SAMD12: variants seen among roughly 807,000 people sequenced by gnomAD.
SAMD12 encodes the protein sterile alpha motif domain-containing protein 12.
Under a neutral mutation model 15.0 loss-of-function variants are expected in SAMD12, and 9 were observed. The ratio of observed to expected loss-of-function variants is 0.60; its 90% CI spans 0.36 to 1.05. The LOEUF is 1.05. Among genes scored for constraint, SAMD12 ranks in the 50% least tolerant of loss-of-function variants. The probability of loss-of-function intolerance (pLI) is 0.01; values close to 1 mark genes in which losing one functional copy is unlikely to be tolerated. For missense variants in SAMD12, 230 were observed against 234.2 expected (o/e 0.98, Z 0.12); for synonymous variants, 86 against 90.1 (o/e 0.96, Z 0.25).
At chr8:118,190,029 C>T (rs1272738977) in exon 5 of SAMD12, 3 of 149,674 alleles carry the variant, frequency 2.0e-5, no homozygotes, top group Non-Finnish European at 4.4e-5. Context: ...TAATTAAACA[C>T]TCTTGGAAGA....
chr8:118,548,100 A>G (rs1362988288), intron 2 of SAMD12, among the ~76,000 whole-genome samples: 1 of 152,198 alleles, frequency 6.6e-6, no homozygotes, highest in Admixed American at 6.5e-5. Context: ...TAGTGAGAGA[A>G]TAGACAAAGA....
At chr8:118,471,195 T>C (rs1316597565) in intron 2 of SAMD12, among the ~76,000 whole-genome samples, 2 of 152,114 alleles carry the variant, frequency 1.3e-5, no homozygotes, top group African/African-American at 2.4e-5. Flanking sequence ...TTTTTTTTCA[T>C]GTTTTAAAAA....
chr8:118,195,151 A>G (rs1039813466), exon 5 of SAMD12: 2 of 152,212 alleles, frequency 1.3e-5, no homozygotes, highest in Non-Finnish European at 2.9e-5. Flanking sequence ...TACTTATTGA[A>G]TTGTTCAGAA....
chr8:118,194,414 A>G (rs1380889070), exon 5 of SAMD12: 1 of 152,138 alleles, frequency 6.6e-6, no homozygotes, highest in African/African-American at 2.4e-5. Flanking sequence ...TACGTCTCAA[A>G]CTATTGAAGT....
chr8:118,154,193 A>C, the SAMD12 span, among the ~76,000 whole-genome samples: 5 of 151,964 alleles, frequency 3.3e-5, no homozygotes, highest in African/African-American at 1.2e-4. Context: ...AATAATGCCA[A>C]AATCTTTATC....
At chr8:118,484,296 A>G (rs186202146) in intron 2 of SAMD12, among the ~76,000 whole-genome samples, 45 of 152,340 alleles carry the variant, frequency 3.0e-4, no homozygotes, top group Admixed American at 2.5e-3. Flanking sequence ...TGTAGTTCAA[A>G]ATATCACTGT....
At chr8:118,310,541 T>C (rs909339964) in intron 4 of SAMD12, among the ~76,000 whole-genome samples, 4 of 152,214 alleles carry the variant, frequency 2.6e-5, no homozygotes, top group African/African-American at 7.2e-5. Context: ...CAGGACTACA[T>C]GGGTATCCAG....
intron 4 of SAMD12, among the ~76,000 whole-genome samples, chr8:118,300,166 G>C (rs1455331789): frequency 2.0e-5 from 3 of 151,996 alleles, no homozygotes; most frequent in African/African-American, 7.2e-5. Flanking sequence ...TTTGTGTTAG[G>C]AACATTCAAT....
chr8:118,543,578 C>A (rs1156926948), intron 2 of SAMD12, among the ~76,000 whole-genome samples: 1 of 150,936 alleles, frequency 6.6e-6, no homozygotes, highest in Non-Finnish European at 1.5e-5. Context: ...AACACAAATT[C>A]ATAAACTTTC....
At chr8:118,327,034 C>A (rs1586534344) in intron 4 of SAMD12, among the ~76,000 whole-genome samples, 1 of 152,096 alleles carries the variant, frequency 6.6e-6, no homozygotes, top group Non-Finnish European at 1.5e-5. Flanking sequence ...ATGAGTGATC[C>A]CCCACAGATG....
At chr8:118,336,423 T>C (rs1017574670) in intron 4 of SAMD12, among the ~76,000 whole-genome samples, 7 of 152,212 alleles carry the variant, frequency 4.6e-5, no homozygotes, top group African/African-American at 1.7e-4. Context: ...TCTTAATGAA[T>C]TGAGGAAGAA....
chr8:118,515,294 ATG>A (rs893169362), intron 2 of SAMD12, among the ~76,000 whole-genome samples: 2 of 147,174 alleles, frequency 1.4e-5, no homozygotes, highest in African/African-American at 5.1e-5. Context: ...CAGCCTCCCA[ATG>A]TTTAAAAGTT....
the SAMD12 span, among the ~76,000 whole-genome samples, chr8:118,172,028 T>A: frequency 6.6e-6 from 1 of 152,166 alleles, no homozygotes; most frequent in Non-Finnish European, 1.5e-5. Flanking sequence ...CACTGCATGT[T>A]CTCACTCATA....
At chr8:118,591,639 G>GA (rs1399050511) in intron 1 of SAMD12, among the ~76,000 whole-genome samples, 1 of 151,706 alleles carries the variant, frequency 6.6e-6, no homozygotes, top group East Asian at 1.9e-4. Flanking sequence ...AACCTACCTG[G>GA]AAAAAACAAA....
intron 2 of SAMD12, among the ~76,000 whole-genome samples, chr8:118,569,373 T>C (rs1057139109): frequency 1.3e-5 from 2 of 152,176 alleles, no homozygotes; most frequent in African/African-American, 2.4e-5. Flanking sequence ...CTCCAAGATA[T>C]CTCATTTGGA....
chr8:118,246,864 C>T (rs947869052), intron 4 of SAMD12, among the ~76,000 whole-genome samples: 13 of 152,052 alleles, frequency 8.5e-5, no homozygotes, highest in Admixed American at 5.9e-4. Flanking sequence ...GGTTCAAAGG[C>T]AGAAACTACG....
intron 2 of SAMD12, among the ~76,000 whole-genome samples, chr8:118,462,408 A>G (rs1005210010): frequency 6.6e-6 from 1 of 152,196 alleles, no homozygotes; most frequent in African/African-American, 2.4e-5. Context: ...TGTCAATTAT[A>G]TTTAAGGGAC....
chr8:118,153,889 G>A, the SAMD12 span, among the ~76,000 whole-genome samples: 78 of 151,792 alleles, frequency 5.1e-4, 1 homozygote, highest in Non-Finnish European at 9.3e-4. Context: ...TCTTCATCCC[G>A]TCATCCAATT....
intron 2 of SAMD12, among the ~76,000 whole-genome samples, chr8:118,543,417 T>C (rs1218145158): frequency 1.3e-5 from 2 of 152,158 alleles, no homozygotes; most frequent in African/African-American, 4.8e-5. Flanking sequence ...AAGCCTAAAG[T>C]GATCAAACAA....
Sources: allele counts gnomAD v4.1 joint callset (sites outside exome capture counted in the v4.1 genomes callset), GRCh38; gene constraint gnomAD v4.1.1; transcripts MANE v1.5; gene names NCBI Gene and HGNC (gene_info 2026-07-23, HGNC 2026-07-21).